Variants in CRIM1 observed in about 807,000 individuals in gnomAD.
CRIM1 encodes the protein cysteine rich transmembrane BMP regulator 1, also known as cysteine-rich motor neuron 1 protein.
CRIM1 carries 32 observed loss-of-function variants against 116.4 expected under a neutral mutation model. The ratio of observed to expected loss-of-function variants is 0.27; its 90% confidence interval spans 0.21 to 0.37. CRIM1 has a LOEUF of 0.37. Ranked by LOEUF, CRIM1 falls within the 10% of genes least tolerant of loss-of-function variation. The probability of loss-of-function intolerance (pLI) is 1.00; values close to 1 mark genes in which losing one functional copy is unlikely to be tolerated. For synonymous variants in CRIM1, 590 were observed against 509.2 expected (o/e 1.16, Z -2.13); for missense variants, 1,331 against 1,354.8 (o/e 0.98, Z 0.28).
chr2:36,397,165 G>T lies in CRIM1; in HGVS notation c.505+378G>T, dbSNP rs1036613333. ...GCTAATTAGAAATGCGGCTCATCTGGCATGAAAGAGTTATCTCTTTAGCAG... is the reference window on the plus strand; with the variant it reads ...GCTAATTAGAAATGCGGCTCATCTGTCATGAAAGAGTTATCTCTTTAGCAG... On this transcript the variant is annotated intron_variant, in intron 2 of 16. Coordinates refer to ENST00000280527, the MANE Select transcript of CRIM1 (RefSeq NM_016441.3). Among the ~76,000 whole-genome samples the T allele has an allele frequency of 2.0e-5, 3 of 152,186 alleles. No individual in the cohort carries two copies. The South Asian group carries it at 6.2e-4, about 31-fold the overall frequency.
At chr2:36,535,586 A>T (rs1017898989) in intron 13 of CRIM1, among the ~76,000 whole-genome samples, 2 of 152,190 alleles carry the variant, frequency 1.3e-5, no homozygotes, top group African/African-American at 2.4e-5. Context: ...TAATGAGAAA[A>T]ATGATAGAAG....
chr2:36,470,061 T>C (rs1039560687), intron 5 of CRIM1, among the ~76,000 whole-genome samples: 15 of 152,212 alleles, frequency 9.9e-5, no homozygotes, highest in African/African-American at 3.6e-4. Context: ...ACCAGATATT[T>C]ATTGAGGCTA....
chr2:36,442,531 T>G lies in CRIM1; in HGVS notation c.749-84T>G. 4 of 1,540,520 alleles carry G rather than the reference T, an allele frequency of 2.6e-6. No homozygotes were observed. In the South Asian group the frequency reaches 4.5e-5, roughly 17 times the overall value. The stretch of plus-strand genomic sequence containing the variant: ...TGGAAGCAAGGAGACTTTGGACATT[T>G]GTCAAGAGCTAGTATTTCATTTAGG... On this transcript the variant is annotated intron_variant, in intron 3 of 16. Coordinates refer to ENST00000280527, the MANE Select transcript of CRIM1 (RefSeq NM_016441.3).
chr2:36,479,556 C>T lies in CRIM1; in HGVS notation c.1234C>T (p.His412Tyr), dbSNP rs1274016276. 1 of 1,614,218 alleles carries T rather than the reference C, an allele frequency of 6.2e-7. No homozygotes were observed. The highest frequency in any genetic ancestry group is 1.1e-5 in the South Asian group (1 of 91,084). Reference sequence around the variant, plus strand: ...CTATGCCAATGGCCTGATCCTTGCCCACGGAGACCGGTGGCGGGAAGACGA... The same window carrying T: ...CTATGCCAATGGCCTGATCCTTGCCTACGGAGACCGGTGGCGGGAAGACGA... ...GCYANGLILA[H>Y]GDRWREDDCT... is the part of the protein sequence containing the mutation. Residue 412 changes from histidine (H) to tyrosine (Y), a missense_variant, in exon 7 of 17, where the codon CAC becomes TAC. Physicochemically the swap from His to Tyr is moderately conservative, Grantham distance 83. Transcript: ENST00000280527.
chr2:36,505,427 A>T (rs950230212), intron 8 of CRIM1, among the ~76,000 whole-genome samples: 20 of 103,700 alleles, frequency 1.9e-4, no homozygotes, highest in African/African-American at 6.1e-4. Flanking sequence ...GACCTAAAAC[A>T]TTTCTAATAG....
intron 1 of CRIM1, among the ~76,000 whole-genome samples, chr2:36,378,052 T>A (rs139918976): frequency 6.1e-4 from 93 of 152,338 alleles, no homozygotes; most frequent in African/African-American, 2.0e-3. Flanking sequence ...GACTCCAACA[T>A]GTGCAGTGGA....
rs529913866 is a variant in CRIM1, at chr2:36,524,446, A to T, written c.2428+2133A>T. Among the ~76,000 whole-genome samples, 699 of 151,908 alleles carry T rather than the reference A, an allele frequency of 4.6e-3. 3 individuals are homozygous for T. Among genetic ancestry groups the T allele is most frequent in the African/African-American group, 0.016 (676 of 41,434 alleles). On this transcript the variant is annotated intron_variant, in intron 13 of 16. Transcript: ENST00000280527. ...GTTATATATCAAAACTTTTTTTTTTAACTTTTTAAGTTCAGAGGTACAAGT... is the reference window on the plus strand; with the variant it reads ...GTTATATATCAAAACTTTTTTTTTTTACTTTTTAAGTTCAGAGGTACAAGT...
intron 15 of CRIM1, 49 bp downstream of exon 15, chr2:36,544,547 T>C (rs1667178692): frequency 7.6e-7 from 1 of 1,311,070 alleles, no homozygotes; most frequent in African/African-American, 1.5e-5. Context: ...TGTGGTCTAC[T>C]TAGGTGTTTT....
intron 5 of CRIM1, among the ~76,000 whole-genome samples, chr2:36,472,186 C>A (rs1258372461): frequency 6.6e-6 from 1 of 152,164 alleles, no homozygotes; most frequent in Non-Finnish European, 1.5e-5. Context: ...TAAATTATTT[C>A]TTCATAACAC....
chr2:36,461,222 A>G (rs1189164933), intron 4 of CRIM1, among the ~76,000 whole-genome samples: 1 of 152,112 alleles, frequency 6.6e-6, no homozygotes, highest in Non-Finnish European at 1.5e-5. Context: ...AGAACTGGAA[A>G]TTGGGGAGAG....
At chr2:36,448,047 A>G (rs1676387065) in intron 4 of CRIM1, among the ~76,000 whole-genome samples, 1 of 152,230 alleles carries the variant, frequency 6.6e-6, no homozygotes, top group Non-Finnish European at 1.5e-5. Context: ...CAGCTTTAAT[A>G]TCATTTAGCC....
At chr2:36,480,627 TA>T (rs1679336194) in intron 7 of CRIM1, among the ~76,000 whole-genome samples, 1 of 152,210 alleles carries the variant, frequency 6.6e-6, no homozygotes, top group Non-Finnish European at 1.5e-5. Flanking sequence ...GAAATGTTAA[TA>T]AACTCAGACT....
chr2:36,381,119 C>T (rs1333278564), intron 1 of CRIM1, among the ~76,000 whole-genome samples: 2 of 152,218 alleles, frequency 1.3e-5, no homozygotes, highest in Admixed American at 1.3e-4. Context: ...CCGCCCCTAC[C>T]CCCCACACAG....
intron 1 of CRIM1, among the ~76,000 whole-genome samples, chr2:36,357,391 TTTTG>T (rs925347541): frequency 1.2e-4 from 19 of 152,250 alleles, no homozygotes; most frequent in African/African-American, 4.1e-4. Context: ...GGTTCCTCCT[TTTTG>T]TTTGTTTGAC....
At chr2:36,390,230 C>A (rs1424563162) in intron 1 of CRIM1, among the ~76,000 whole-genome samples, 1 of 152,154 alleles carries the variant, frequency 6.6e-6, no homozygotes, top group African/African-American at 2.4e-5. Flanking sequence ...AATAAAAAAA[C>A]CTACTCATAT....
At chr2:36,372,930 T>C (rs1200764741) in intron 1 of CRIM1, among the ~76,000 whole-genome samples, 1 of 152,190 alleles carries the variant, frequency 6.6e-6, no homozygotes, top group Non-Finnish European at 1.5e-5. Context: ...TTAAGCAAGG[T>C]TATTTTTTGA....
intron 11 of CRIM1, among the ~76,000 whole-genome samples, chr2:36,516,035 T>C (rs1029497757): frequency 1.3e-5 from 2 of 152,242 alleles, no homozygotes; most frequent in African/African-American, 4.8e-5. Context: ...TAAGCATTGA[T>C]TGATGAGTAT....
At chr2:36,373,638 C>A (rs1376244101) in intron 1 of CRIM1, among the ~76,000 whole-genome samples, 1 of 152,166 alleles carries the variant, frequency 6.6e-6, no homozygotes, top group African/African-American at 2.4e-5. Flanking sequence ...GGTGGACCAG[C>A]AGAATGGCCG....
intron 8 of CRIM1, among the ~76,000 whole-genome samples, chr2:36,504,002 C>A (rs1446264895): frequency 6.6e-6 from 1 of 152,072 alleles, no homozygotes; most frequent in Non-Finnish European, 1.5e-5. Flanking sequence ...TCCCAAGTAA[C>A]TGGGACTACA....
Sources: allele counts gnomAD v4.1 joint callset (sites outside exome capture counted in the v4.1 genomes callset), GRCh38; gene constraint gnomAD v4.1.1; transcripts MANE v1.5; gene names NCBI Gene and HGNC (gene_info 2026-07-23, HGNC 2026-07-21).